MAP4K3: variants seen among roughly 807,000 people sequenced by gnomAD.
The protein encoded by MAP4K3 is MAPK/ERK kinase kinase kinase 3.
A neutral mutation model predicts 143.5 loss-of-function variants in MAP4K3; 94 were observed. The ratio of observed to expected loss-of-function variants is 0.65; its 90% confidence interval spans 0.55 to 0.78. MAP4K3 has a LOEUF of 0.78. Among genes scored for constraint, MAP4K3 ranks in the 30% least tolerant of loss-of-function variants. MAP4K3 has a pLI of 0.00. For missense variants in MAP4K3, 1,077 were observed against 1,068.1 expected (o/e 1.01, Z -0.12); for synonymous variants, 416 against 347.2 (o/e 1.20, Z -2.20).
intron 1 of MAP4K3, among the ~76,000 whole-genome samples, chr2:39,389,758 C>G (rs1480370845): frequency 6.6e-6 from 1 of 152,098 alleles, no homozygotes; most frequent in African/African-American, 2.4e-5. Flanking sequence ...TGTGCAATAA[C>G]ATATTCTTCT....
chr2:39,425,998 T>C (rs1017773296), intron 1 of MAP4K3, among the ~76,000 whole-genome samples: 1 of 152,188 alleles, frequency 6.6e-6, no homozygotes, highest in East Asian at 1.9e-4. Flanking sequence ...AAATATTATA[T>C]AGTCTCAAAG....
At chr2:39,354,827 G>A (rs917544890) in intron 3 of MAP4K3, among the ~76,000 whole-genome samples, 2 of 152,172 alleles carry the variant, frequency 1.3e-5, no homozygotes, top group Non-Finnish European at 2.9e-5. Context: ...CTTTTCTGTT[G>A]TGCCCAAAAG....
At chr2:39,324,440 T>C (rs1422314941) in intron 12 of MAP4K3, among the ~76,000 whole-genome samples, 1 of 151,954 alleles carries the variant, frequency 6.6e-6, no homozygotes, top group East Asian at 1.9e-4. Context: ...AAAAACTTCT[T>C]CAGAGTATAA....
At chr2:39,417,092 C>T (rs1443707297) in intron 1 of MAP4K3, among the ~76,000 whole-genome samples, 1 of 152,048 alleles carries the variant, frequency 6.6e-6, no homozygotes, top group Non-Finnish European at 1.5e-5. Context: ...CTTAAAAATA[C>T]GAGAACTGTT....
At chr2:39,394,171 G>A (rs532304132) in intron 1 of MAP4K3, among the ~76,000 whole-genome samples, 1 of 152,244 alleles carries the variant, frequency 6.6e-6, no homozygotes, top group African/African-American at 2.4e-5. Flanking sequence ...TGGCCAATAT[G>A]AATACCACTG....
chr2:39,260,868 G>C, intron 28 of MAP4K3, 91 bp from the exon 29 acceptor site: 1 of 804,046 alleles, frequency 1.2e-6, no homozygotes, highest in East Asian at 2.7e-5. Context: ...CTACAATAAA[G>C]ACTGCATCTT....
chr2:39,359,282 A>C (rs1665699075), intron 2 of MAP4K3, among the ~76,000 whole-genome samples: 1 of 151,998 alleles, frequency 6.6e-6, no homozygotes, highest in Non-Finnish European at 1.5e-5. Context: ...GTAGTCATTA[A>C]ATCTTAAAGT....
At chr2:39,317,479 C>T (rs1683153193) in intron 12 of MAP4K3, among the ~76,000 whole-genome samples, 1 of 151,884 alleles carries the variant, frequency 6.6e-6, no homozygotes, top group Admixed American at 6.6e-5. Context: ...ACAGACAACC[C>T]ACAGAATAGG....
chr2:39,364,880 A>AG (rs1665876728), intron 2 of MAP4K3, among the ~76,000 whole-genome samples: 1 of 151,526 alleles, frequency 6.6e-6, no homozygotes, highest in Non-Finnish European at 1.5e-5. Flanking sequence ...AAAAAAAAAA[A>AG]AAAAGATAAT....
At chr2:39,399,397 T>C (rs977398200) in intron 1 of MAP4K3, among the ~76,000 whole-genome samples, 2 of 152,176 alleles carry the variant, frequency 1.3e-5, no homozygotes, top group Non-Finnish European at 2.9e-5. Context: ...CAGCCTTCAA[T>C]CCAGTCAAAG....
chr2:39,303,768 C>G (rs565703251), intron 15 of MAP4K3, among the ~76,000 whole-genome samples: 9 of 152,172 alleles, frequency 5.9e-5, no homozygotes, highest in Non-Finnish European at 1.0e-4. Flanking sequence ...AACTCCTGAC[C>G]TCAAGTGATC....
At chr2:39,394,438 G>C (rs1374197351) in intron 1 of MAP4K3, among the ~76,000 whole-genome samples, 1 of 152,128 alleles carries the variant, frequency 6.6e-6, no homozygotes, top group East Asian at 1.9e-4. Context: ...TCTAGATTGT[G>C]GTTCTCCAGA....
Position 39,250,712 on chromosome 2 carries a change from G to A in MAP4K3, c.2598-7C>T, listed in dbSNP as rs573034476. The A allele has an allele frequency of 1.2e-5, 19 of 1,610,512 alleles. No individual in the cohort carries two copies. In the East Asian group the frequency reaches 3.1e-4, roughly 26 times the overall value. On this transcript the variant is annotated splice_polypyrimidine_tract_variant and splice_region_variant and intron_variant, in intron 33 of 33. Coordinates refer to ENST00000263881, the MANE Select transcript of MAP4K3 (RefSeq NM_003618.4). ...ACTTTCCAAAACCACGACCCTGAAA[G>A]TAATAAAAAACATATAACAAAACAA...
At chr2:39,313,638 C>G (rs1405595447) in intron 13 of MAP4K3, among the ~76,000 whole-genome samples, 1 of 152,066 alleles carries the variant, frequency 6.6e-6, no homozygotes, top group Non-Finnish European at 1.5e-5. Flanking sequence ...TCAGCCTCCC[C>G]AGTAGCTGGG....
chr2:39,275,660 T>G (rs1681218740), intron 24 of MAP4K3, among the ~76,000 whole-genome samples: 1 of 152,208 alleles, frequency 6.6e-6, no homozygotes, highest in Non-Finnish European at 1.5e-5. Context: ...ATTATTATAA[T>G]TACAAGATCC....
At chr2:39,307,428 G>A (rs1682748324) in intron 15 of MAP4K3, among the ~76,000 whole-genome samples, 1 of 151,802 alleles carries the variant, frequency 6.6e-6, no homozygotes, top group Non-Finnish European at 1.5e-5. Context: ...AACTTCATCT[G>A]AGAATGATTT....
At chr2:39,304,135 TATTA>T (rs1420175480) in intron 15 of MAP4K3, among the ~76,000 whole-genome samples, 6 of 136,274 alleles carry the variant, frequency 4.4e-5, no homozygotes, top group Non-Finnish European at 8.0e-5. Context: ...TGGCTTCATA[TATTA>T]ATTATCTGAT....
At chr2:39,381,961 G>T (rs910866443) in intron 1 of MAP4K3, among the ~76,000 whole-genome samples, 1 of 152,152 alleles carries the variant, frequency 6.6e-6, no homozygotes, top group East Asian at 1.9e-4. Flanking sequence ...ACTCCCATAG[G>T]TTCTGGGTAA....
At chr2:39,315,264 T>G (rs1683073880) in intron 13 of MAP4K3, 46 bp downstream of exon 13, 2 of 1,300,180 alleles carry the variant, frequency 1.5e-6, no homozygotes, top group Admixed American at 4.2e-5. Context: ...AAATTATAAC[T>G]TATTTTCTAT....
Sources: gnomAD v4.1 joint callset for allele counts (sites outside exome capture counted in the v4.1 genomes callset) on GRCh38, gnomAD v4.1.1 for gene constraint, MANE v1.5 for transcripts, NCBI Gene and HGNC (gene_info 2026-07-23, HGNC 2026-07-21) for gene names.